The following VSTM4 variants were observed in gnomAD, a reference collection of about 807,000 sequenced individuals.
The protein encoded by VSTM4 is V-set and transmembrane domain containing 4.
A neutral mutation model predicts 36.4 loss-of-function variants in VSTM4; 20 were observed. The observed-to-expected ratio is 0.55, with a 90% CI of 0.39 to 0.80. The LOEUF (loss-of-function observed/expected upper bound fraction) is 0.80. Ranked by LOEUF, VSTM4 falls within the 30% of genes least tolerant of loss-of-function variation. The pLI is 0.00. For synonymous variants in VSTM4, 182 were observed against 173.9 expected, an observed-to-expected ratio of 1.05 and a Z score of -0.37; for missense variants, 392 against 404.5, an observed-to-expected ratio of 0.97 and a Z score of 0.26.
chr10:49,029,721 G>T (rs1328232344), intron 7 of VSTM4, among the ~76,000 whole-genome samples: 1 of 151,760 alleles, frequency 6.6e-6, no homozygotes, highest in Non-Finnish European at 1.5e-5. Flanking sequence ...AATTGTTTGA[G>T]GTTTTGGAAC....
At chr10:49,076,098 C>A (rs1844173316) in intron 4 of VSTM4, among the ~76,000 whole-genome samples, 1 of 152,260 alleles carries the variant, frequency 6.6e-6, no homozygotes, top group South Asian at 2.1e-4. Context: ...TGTGTCACCT[C>A]CCTCATTGTC....
chr10:49,096,807 A>C (rs926554920), intron 2 of VSTM4, among the ~76,000 whole-genome samples: 1 of 152,028 alleles, frequency 6.6e-6, no homozygotes, highest in African/African-American at 2.4e-5. Flanking sequence ...GTCTCCCGCC[A>C]CCATGCCCGG....
At chr10:49,104,064 C>G (rs543000277) in intron 2 of VSTM4, among the ~76,000 whole-genome samples, 1 of 152,166 alleles carries the variant, frequency 6.6e-6, no homozygotes, top group African/African-American at 2.4e-5. Flanking sequence ...TTTGGGAGGC[C>G]GAGGTGGGTG....
intron 5 of VSTM4, among the ~76,000 whole-genome samples, chr10:49,062,562 C>A (rs937407136): frequency 4.6e-5 from 7 of 152,186 alleles, no homozygotes; most frequent in African/African-American, 1.7e-4. Flanking sequence ...GTTCAATTAT[C>A]ATGTGTTTTC....
intron 7 of VSTM4, among the ~76,000 whole-genome samples, chr10:49,032,339 A>G (rs1311510073): frequency 6.6e-6 from 1 of 152,214 alleles, no homozygotes; most frequent in Non-Finnish European, 1.5e-5. Flanking sequence ...GGGCTCCCCA[A>G]AGGCAGTGAC....
intron 2 of VSTM4, among the ~76,000 whole-genome samples, chr10:49,090,317 A>G (rs1844449549): frequency 6.6e-6 from 1 of 152,176 alleles, no homozygotes; most frequent in South Asian, 2.1e-4. Flanking sequence ...AAAGAAGATG[A>G]CAACAGCCTC....
chr10:49,100,043 G>C (rs1468040427), intron 2 of VSTM4, among the ~76,000 whole-genome samples: 3 of 152,040 alleles, frequency 2.0e-5, no homozygotes, highest in African/African-American at 7.2e-5. Context: ...AAAAAGGAAG[G>C]AAAAGGAAAA....
chr10:49,027,521 G>C (rs1843281520), intron 7 of VSTM4, among the ~76,000 whole-genome samples: 1 of 152,160 alleles, frequency 6.6e-6, no homozygotes, highest in Non-Finnish European at 1.5e-5. Flanking sequence ...TTGTAACACA[G>C]GTATAGATGT....
intron 7 of VSTM4, among the ~76,000 whole-genome samples, chr10:49,034,964 G>A (rs1170209828): frequency 6.6e-6 from 1 of 152,222 alleles, no homozygotes; most frequent in East Asian, 1.9e-4. Context: ...AATGATCTCA[G>A]AAATGAAGTG....
At chr10:49,044,889 A>G (rs988281005) in intron 7 of VSTM4, among the ~76,000 whole-genome samples, 3 of 152,168 alleles carry the variant, frequency 2.0e-5, no homozygotes, top group Non-Finnish European at 4.4e-5. Flanking sequence ...GGTGTAGAGA[A>G]GGGGCTATAG....
chr10:49,082,536 G>A (rs561964928), intron 3 of VSTM4, among the ~76,000 whole-genome samples: 1 of 152,230 alleles, frequency 6.6e-6, no homozygotes, highest in African/African-American at 2.4e-5. Context: ...TTAGCCAGGT[G>A]TGGTGGCACA....
At chr10:49,091,007 G>A (rs1436321231) in intron 2 of VSTM4, among the ~76,000 whole-genome samples, 1 of 138,402 alleles carries the variant, frequency 7.2e-6, no homozygotes, top group Non-Finnish European at 1.6e-5. Context: ...GGTGGGGGGT[G>A]GGGAAAGGCG....
At chr10:49,047,596 T>C (rs1843632570) in intron 6 of VSTM4, among the ~76,000 whole-genome samples, 1 of 152,216 alleles carries the variant, frequency 6.6e-6, no homozygotes, top group East Asian at 1.9e-4. Context: ...GGGTGGGTAA[T>C]ATCTACTGTG....
At chr10:49,114,992 C>G (rs1284645379) in intron 1 of VSTM4, among the ~76,000 whole-genome samples, 1 of 152,166 alleles carries the variant, frequency 6.6e-6, no homozygotes, top group Non-Finnish European at 1.5e-5. Context: ...TCCAGCCGCT[C>G]CTGACTTGTC....
intron 7 of VSTM4, among the ~76,000 whole-genome samples, chr10:49,027,723 T>G (rs577928454): frequency 1.3e-5 from 2 of 152,234 alleles, no homozygotes; most frequent in Non-Finnish European, 2.9e-5. Context: ...ATTGGCTTTT[T>G]TTACTGAGCA....
At chr10:49,054,646 G>A (rs1478679456) in intron 5 of VSTM4, among the ~76,000 whole-genome samples, 3 of 152,184 alleles carry the variant, frequency 2.0e-5, no homozygotes, top group African/African-American at 4.8e-5. Context: ...TATGCAGGAG[G>A]AACAGCATAA....
chr10:49,044,623 T>C (rs941827685), intron 7 of VSTM4, among the ~76,000 whole-genome samples: 1 of 152,100 alleles, frequency 6.6e-6, no homozygotes, highest in Non-Finnish European at 1.5e-5. Context: ...GGCAGATATA[T>C]GCATAGAGAT....
At chr10:49,076,587 G>A (rs190684444) in intron 4 of VSTM4, among the ~76,000 whole-genome samples, 3 of 152,170 alleles carry the variant, frequency 2.0e-5, no homozygotes, top group African/African-American at 7.2e-5. Flanking sequence ...AAGTGAAATC[G>A]GGGCTCGGGG....
chr10:49,108,708 C>A (rs903805725), intron 1 of VSTM4, among the ~76,000 whole-genome samples: 13 of 152,210 alleles, frequency 8.5e-5, no homozygotes, highest in African/African-American at 3.1e-4. Flanking sequence ...ACTCTCCCAA[C>A]AACCCAAAAG....
Sources: allele counts gnomAD v4.1 joint callset (sites outside exome capture counted in the v4.1 genomes callset), GRCh38; gene constraint gnomAD v4.1.1; transcripts MANE v1.5; gene names NCBI Gene and HGNC (gene_info 2026-07-23, HGNC 2026-07-21).